Variants in DNAJC1 observed in about 807,000 individuals in gnomAD.
DNAJC1 encodes DnaJ heat shock protein family (Hsp40) member C1.
In DNAJC1, 58 loss-of-function variants were observed where a neutral mutation model predicts 76.6. The observed-to-expected ratio is 0.76, with a 90% CI of 0.61 to 0.94. The LOEUF (loss-of-function observed/expected upper bound fraction) is 0.94. DNAJC1 is among the 40% of genes least tolerant of loss of function. The probability of loss-of-function intolerance (pLI) is 0.00; values close to 1 mark genes in which losing one functional copy is unlikely to be tolerated. For missense variants in DNAJC1, 689 were observed against 677.3 expected (o/e 1.02, Z -0.19); for synonymous variants, 258 against 267.9 (o/e 0.96, Z 0.36).
intron 8 of DNAJC1, among the ~76,000 whole-genome samples, chr10:21,867,113 A>G (rs1319525720): frequency 6.6e-6 from 1 of 152,100 alleles, no homozygotes; most frequent in African/African-American, 2.4e-5. Flanking sequence ...AGAGATAAAA[A>G]TTGCAAATTA....
intron 4 of DNAJC1, 32 bp downstream of exon 4, chr10:21,920,766 G>T (rs1320880179): frequency 2.6e-6 from 4 of 1,566,224 alleles, no homozygotes; most frequent in Non-Finnish European, 3.5e-6. Context: ...AATTAAGGAG[G>T]CTAGTTCATT....
At chr10:21,850,229 C>CA (rs531634359) in intron 8 of DNAJC1, among the ~76,000 whole-genome samples, 3 of 151,760 alleles carry the variant, frequency 2.0e-5, no homozygotes, top group African/African-American at 4.8e-5. Flanking sequence ...GAAGACCCTA[C>CA]AAAAAAAACT....
At chr10:21,926,024 AGTGCGCAACTTCC>A (rs1459976015) in intron 3 of DNAJC1, among the ~76,000 whole-genome samples, 1 of 152,228 alleles carries the variant, frequency 6.6e-6, no homozygotes, top group African/African-American at 2.4e-5. Flanking sequence ...GGCTAAGCAC[AGTGCGCAACTTCC>A]GCCTCCGGGG....
intron 9 of DNAJC1, among the ~76,000 whole-genome samples, chr10:21,769,259 C>T (rs1397649540): frequency 6.6e-6 from 1 of 152,154 alleles, no homozygotes; most frequent in Non-Finnish European, 1.5e-5. Context: ...AGAAACTGAC[C>T]ACGCAACAAT....
At chr10:21,809,384 ATTAT>A (rs1467116340) in intron 8 of DNAJC1, among the ~76,000 whole-genome samples, 1 of 151,856 alleles carries the variant, frequency 6.6e-6, no homozygotes, top group Non-Finnish European at 1.5e-5. Flanking sequence ...ATTAATAATA[ATTAT>A]TTATATAAAT....
At chr10:21,904,370 AAATACATTAAG>A (rs1836708209) in intron 7 of DNAJC1, 141 bp downstream of exon 7, 1 of 441,006 alleles carries the variant, frequency 2.3e-6, no homozygotes, top group African/African-American at 2.0e-5. Context: ...GTTCCATGTC[AAATACATTAAG>A]TACAAGTGAC....
intron 8 of DNAJC1, among the ~76,000 whole-genome samples, chr10:21,858,816 T>C (rs1469621355): frequency 1.3e-5 from 2 of 152,202 alleles, no homozygotes; most frequent in Non-Finnish European, 2.9e-5. Flanking sequence ...AAAGAGTTTA[T>C]TTGTTATAAT....
intron 9 of DNAJC1, among the ~76,000 whole-genome samples, chr10:21,783,932 C>G (rs534860116): frequency 5.0e-4 from 76 of 152,274 alleles, no homozygotes; most frequent in Non-Finnish European, 9.6e-4. Flanking sequence ...AATGTTAGAC[C>G]TAAAACCATA....
At chr10:21,871,995 G>T (rs915685997) in intron 8 of DNAJC1, among the ~76,000 whole-genome samples, 1 of 151,666 alleles carries the variant, frequency 6.6e-6, no homozygotes, top group African/African-American at 2.4e-5. Flanking sequence ...AGACAGTATG[G>T]CTGACATAAA....
At chr10:21,806,222 T>G in intron 8 of DNAJC1, 123 bp from the exon 9 acceptor site, 2 of 1,072,228 alleles carry the variant, frequency 1.9e-6, no homozygotes, top group Non-Finnish European at 2.6e-6. Context: ...ATATGCTTTC[T>G]GTAAAAAACA....
chr10:21,837,825 T>G (rs1490812661), intron 8 of DNAJC1, among the ~76,000 whole-genome samples: 3 of 113,606 alleles, frequency 2.6e-5, no homozygotes, highest in African/African-American at 7.0e-5. Context: ...GGGAGGGAGG[T>G]GGGGGGCAGC....
chr10:21,783,574 A>G (rs1834562478), intron 9 of DNAJC1, among the ~76,000 whole-genome samples: 1 of 152,248 alleles, frequency 6.6e-6, no homozygotes, highest in Non-Finnish European at 1.5e-5. Context: ...ATGGAACCAA[A>G]AAAGAGCCCA....
chr10:21,976,558 G>A (rs777841111), intron 1 of DNAJC1, among the ~76,000 whole-genome samples: 11 of 152,144 alleles, frequency 7.2e-5, no homozygotes, highest in African/African-American at 2.4e-4. Flanking sequence ...TTCCTAAGAC[G>A]CTAGTCAAAT....
At chr10:21,795,763 A>G (rs1834744286) in intron 9 of DNAJC1, among the ~76,000 whole-genome samples, 1 of 152,176 alleles carries the variant, frequency 6.6e-6, no homozygotes, top group South Asian at 2.1e-4. Flanking sequence ...CCAAAACTTT[A>G]TATCCATTGA....
intron 1 of DNAJC1, among the ~76,000 whole-genome samples, chr10:21,995,009 C>G (rs1838393225): frequency 6.6e-6 from 1 of 150,562 alleles, no homozygotes; most frequent in African/African-American, 2.4e-5. Context: ...TACAAAGCAC[C>G]ACTTTAAGTC....
Position 21,759,258 on chromosome 10 carries a change from T to G in DNAJC1, c.1508A>C (p.Lys503Thr), listed in dbSNP as rs1022356037. ...AEEPWTQNQQ[K>T]LLELALQQYP... is the part of the protein sequence containing the mutation. Reference sequence around the variant, plus strand: ...CTGCTGCAACGCCAGTTCCAGAAGTTTCTGTTGATTTTGAGTCCACGGCTC... The same window carrying G: ...CTGCTGCAACGCCAGTTCCAGAAGTGTCTGTTGATTTTGAGTCCACGGCTC... The change falls in exon 11 of 12, where the codon AAA becomes ACA. Residue 503 changes from lysine (K) to threonine (T), a missense_variant. Coordinates refer to ENST00000376980, the MANE Select transcript of DNAJC1 (RefSeq NM_022365.4). The G allele has an allele frequency of 2.5e-6, 4 of 1,614,152 alleles. No homozygotes were observed. Among genetic ancestry groups the G allele is most frequent in the Non-Finnish European group, 3.4e-6 (4 of 1,180,018 alleles).
At position 21,837,897 on chromosome 10, in the gene DNAJC1, C is replaced by T. The variant is rs1189341074; in HGVS notation, c.979-31798G>A. Reference sequence around the variant, plus strand: ...GGGGGGCAGCCCCCGCCCGGCCAGCCGCCCCGTCCGGGAGGGAGGTGGCGG... The same window carrying T: ...GGGGGGCAGCCCCCGCCCGGCCAGCTGCCCCGTCCGGGAGGGAGGTGGCGG... On this transcript the variant is annotated intron_variant, in intron 8 of 11. Coordinates refer to ENST00000376980, the MANE Select transcript of DNAJC1 (RefSeq NM_022365.4). Among the ~76,000 whole-genome samples the T allele has an allele frequency of 9.1e-4, 112 of 122,990 alleles. 1 individual carries two copies. Among genetic ancestry groups the T allele is most frequent in the East Asian group, 2.5e-3 (10 of 4,008 alleles). 80.7% of individuals were successfully genotyped at this position (122,990 alleles called of 152,430 possible).
chr10:21,759,106 C>T lies in DNAJC1; in HGVS notation c.1596+64G>A, dbSNP rs1589969119. ...AATGAGGGAAGAAGCTGCAGGCAGA[C>T]AAGCTGTGGCTCCTCTGGTGGGATT... is the stretch of plus-strand genomic sequence containing the variant. On this transcript the variant is annotated intron_variant, in intron 11 of 11. Coordinates refer to ENST00000376980, the MANE Select transcript of DNAJC1 (RefSeq NM_022365.4). 13 of 1,489,432 alleles carry T rather than the reference C, an allele frequency of 8.7e-6. No homozygotes were observed. The East Asian group carries it at 2.7e-4, about 31-fold the overall frequency. The allele number at this position is 1,489,432 out of a possible 1,614,324, so 92.3% of individuals were successfully genotyped here. A position where few individuals can be genotyped will look rare whatever the true frequency, so the allele number is the denominator to read the frequency against.
In DNAJC1 at chr10:21,920,255, T is replaced by C. The variant is rs571870918; in HGVS notation, c.538-326A>G. Reference sequence around the variant, plus strand: ...ACTTCAAAAGGAATGAGTAAACAGATGCTAATTCATGAATACTGATAAATA... The same window carrying C: ...ACTTCAAAAGGAATGAGTAAACAGACGCTAATTCATGAATACTGATAAATA... On this transcript the variant is annotated intron_variant, in intron 4 of 11. Transcript: ENST00000376980. 1.4e-4 allele frequency among the ~76,000 whole-genome samples: 22 copies of C among 152,196 alleles called. No individual in the cohort carries two copies. The South Asian group carries it at 4.3e-3, about 30-fold the overall frequency.
Sources: gnomAD v4.1 joint callset for allele counts (sites outside exome capture counted in the v4.1 genomes callset) on GRCh38, gnomAD v4.1.1 for gene constraint, MANE v1.5 for transcripts, NCBI Gene and HGNC (gene_info 2026-07-23, HGNC 2026-07-21) for gene names.